Variants in NCOR1 observed in about 807,000 individuals in gnomAD.
NCOR1 encodes nuclear receptor corepressor 1.
A neutral mutation model predicts 288.1 loss-of-function variants in NCOR1; 63 were observed. The observed-to-expected ratio is 0.22, with a 90% confidence interval of 0.18 to 0.27. The LOEUF (loss-of-function observed/expected upper bound fraction) is 0.27. Among genes scored for constraint, NCOR1 ranks in the 10% least tolerant of loss-of-function variants. The pLI, the probability that NCOR1 is intolerant of heterozygous loss-of-function variation, is 1.00. For missense variants in NCOR1, 2,397 were observed against 3,019.2 expected (o/e 0.79, Z 4.83); for synonymous variants, 1,007 against 1,065.9 (o/e 0.94, Z 1.08).
chr17:16,133,231 A>G (rs1393876192), intron 14 of NCOR1, among the ~76,000 whole-genome samples: 1 of 152,170 alleles, frequency 6.6e-6, no homozygotes, highest in Non-Finnish European at 1.5e-5. Context: ...GGACTCCCAA[A>G]GTGTTGAGAT....
chr17:16,095,293 C>T (rs1347320571), intron 21 of NCOR1, among the ~76,000 whole-genome samples: 26 of 146,380 alleles, frequency 1.8e-4, no homozygotes, highest in Admixed American at 4.0e-4. Flanking sequence ...TCTGCCCGGC[C>T]GCCCCGTCTG....
intron 14 of NCOR1, among the ~76,000 whole-genome samples, chr17:16,127,123 C>CTGTATGTATATATACA (rs1484509213): frequency 8.0e-6 from 1 of 125,474 alleles, no homozygotes; most frequent in African/African-American, 3.6e-5. Flanking sequence ...ATGTATATAT[C>CTGTATGTATATATACA]TGTATGTATA....
At position 16,047,113 on chromosome 17, in the gene NCOR1, G is replaced by C. The variant is rs745978673; in HGVS notation, c.6537-20C>G. 1 of 1,603,852 alleles carries C rather than the reference G, an allele frequency of 6.2e-7. No homozygotes were observed. The highest frequency in any genetic ancestry group is 1.1e-5 in the South Asian group (1 of 89,140). ...TCATTCCTGTTAGGGCCAAAGTTAA[G>C]TATATTACAACCACGTACTCCTAAT... On this transcript the variant is annotated intron_variant, in intron 41 of 45. Transcript: ENST00000268712.
intron 19 of NCOR1, 70 bp downstream of exon 19, chr17:16,108,716 C>G (rs1160089209): frequency 7.1e-7 from 1 of 1,401,928 alleles, no homozygotes. Context: ...AACTCCTACA[C>G]AGTCAAATGA....
chr17:16,079,814 T>C (rs1055880944), intron 26 of NCOR1, 150 bp downstream of exon 26: 3 of 584,014 alleles, frequency 5.1e-6, no homozygotes. Flanking sequence ...TTAACGTCTC[T>C]GTGGAGACAG....
At chr17:16,170,368 CAAAA>C (rs1158514720) in intron 4 of NCOR1, among the ~76,000 whole-genome samples, 2 of 151,822 alleles carry the variant, frequency 1.3e-5, no homozygotes. Flanking sequence ...AAAACTGAAA[CAAAA>C]AGACACTGGG....
rs753195715 is a variant in NCOR1 at position 16,071,434 on chromosome 17, G to A, written c.4127C>T (p.Pro1376Leu). Reference sequence around the variant, plus strand: ...CTGGGAAATGGAACCCTCAATTATCGGCCGTGTGCTCTGGACCACTTCTGG... The same window carrying A: ...CTGGGAAATGGAACCCTCAATTATCAGCCGTGTGCTCTGGACCACTTCTGG... ...KTPEVVQSTR[P>L]IIEGSISQGT... The change falls in exon 30 of 46, where the codon CCG becomes CTG. Residue 1376 changes from proline (P) to leucine (L), a missense_variant. By Grantham distance (98) the Pro-to-Leu change is moderately conservative (BLOSUM62 -3). This residue lies in a region of NCOR1 where 1,872 missense variants were observed against 2,187.8 expected (regional missense o/e 0.86). Transcript: ENST00000268712. 2.2e-5 allele frequency: 36 copies of A among 1,612,592 alleles called. No homozygotes were observed. In the Admixed American group the frequency reaches 2.7e-4, roughly 12 times the overall value.
intron 14 of NCOR1, among the ~76,000 whole-genome samples, chr17:16,136,880 C>G: frequency 7.0e-6 from 1 of 142,784 alleles, no homozygotes; most frequent in East Asian, 2.2e-4. Flanking sequence ...TAATATGAAA[C>G]AAAATCAGGT....
rs2076820836 is a variant in NCOR1, at chr17:16,139,103, G to A, written c.1257C>T (p.Asn419=). The A allele has an allele frequency of 6.2e-7, 1 of 1,613,298 alleles. No homozygotes were observed. The highest frequency in any genetic ancestry group is 8.5e-7 in the Non-Finnish European group (1 of 1,179,450). The change falls in exon 12 of 46, where the codon AAC becomes AAT. Residue 419 remains asparagine, a synonymous_variant. Transcript: ENST00000268712. ...DAEQRRVKFI[N]MNGLMEDPMK... is the part of the protein sequence containing the mutation. ...TAGGGTCCTCCATAAGCCCATTCAT[G>A]TTAATGAACTTGACTCGTCTTTGTT...
Position 16,064,156 on chromosome 17 carries a change from A to G in NCOR1, c.5133T>C (p.Ser1711=), listed in dbSNP as rs144990904. 4 of 1,613,946 alleles carry G rather than the reference A, an allele frequency of 2.5e-6. No individual in the cohort carries two copies. In the African/African-American group the frequency reaches 5.3e-5, roughly 22 times the overall value. The change falls in exon 35 of 46, where the codon AGT becomes AGC. Residue 1711 remains serine (S), a synonymous_variant. Transcript: ENST00000268712. ...GHPTHLAAAA[S]AERERERERE... ...GCTCCCGTTCCCGTTCCCTCTCAGC[A>G]CTTGCAGCAGCTGCAAGGTGTGTTG... is the stretch of plus-strand genomic sequence containing the variant.
intron 40 of NCOR1, among the ~76,000 whole-genome samples, chr17:16,049,866 C>T (rs1243752814): frequency 6.6e-6 from 1 of 152,040 alleles, no homozygotes; most frequent in Non-Finnish European, 1.5e-5. Context: ...CCTGAGCTAC[C>T]GCACCTGGCC....
intron 2 of NCOR1, among the ~76,000 whole-genome samples, chr17:16,192,630 T>C (rs1470043211): frequency 2.0e-5 from 3 of 152,134 alleles, no homozygotes; most frequent in Non-Finnish European, 4.4e-5. Context: ...CACTCCAGCC[T>C]GGGTGACAGA....
chr17:16,126,200 C>A lies in NCOR1; in HGVS notation c.1516G>T (p.Ala506Ser). The A allele has an allele frequency of 1.3e-6, 2 of 1,515,058 alleles. No individual in the cohort carries two copies. Among genetic ancestry groups the A allele is most frequent in the Non-Finnish European group, 1.8e-6 (2 of 1,136,786 alleles). 93.9% of individuals were successfully genotyped at this position (1,515,058 alleles called of 1,614,324 possible). Residue 506 changes from alanine to serine, a missense_variant, in exon 15 of 46, where the codon GCT (alanine) becomes TCT (serine). Coordinates refer to ENST00000268712, the MANE Select transcript of NCOR1 (RefSeq NM_006311.4). ...GKRRGRNQQI[A>S]RPSQEEKVEE... Reference sequence around the variant, plus strand: ...ACTTTTTCTTCTTGCGAGGGTCGAGCAATTTGCTGCTAGAATGAACCATCA... The same window carrying A: ...ACTTTTTCTTCTTGCGAGGGTCGAGAAATTTGCTGCTAGAATGAACCATCA...
chr17:16,214,359 G>A (rs2092381881), intron 1 of NCOR1, among the ~76,000 whole-genome samples: 1 of 152,156 alleles, frequency 6.6e-6, no homozygotes, highest in Non-Finnish European at 1.5e-5. Context: ...AATCTTTGTA[G>A]GCATTTTTAA....
intron 4 of NCOR1, among the ~76,000 whole-genome samples, chr17:16,167,276 A>C (rs1285834974): frequency 1.3e-5 from 2 of 152,176 alleles, no homozygotes; most frequent in Non-Finnish European, 2.9e-5. Flanking sequence ...CAGGAATAAG[A>C]TCAAAACAGA....
Position 16,075,615 on chromosome 17 carries a change from G to A in NCOR1, c.3589C>T (p.Pro1197Ser), listed in dbSNP as rs1487860817. 6.2e-7 allele frequency: 1 copy of A among 1,614,084 alleles called. No homozygotes were observed. The highest frequency in any genetic ancestry group is 2.2e-5 in the East Asian group (1 of 44,876). Residue 1197 changes from proline to serine, a missense_variant, in exon 27 of 46, where the codon CCT (proline) becomes TCT (serine). Physicochemically the swap from Pro to Ser is moderately conservative, Grantham distance 74 (BLOSUM62 -1). Transcript: ENST00000268712. Reference protein sequence around the residue: ...ISRMPIEDSSPEKGREEAASK... With the variant: ...ISRMPIEDSSSEKGREEAASK... ...GCAGCTTCCTCTCTGCCTTTCTCAGGACTGCTGTCTTCAATGGGCATTCTC... is the reference window on the plus strand; with the variant it reads ...GCAGCTTCCTCTCTGCCTTTCTCAGAACTGCTGTCTTCAATGGGCATTCTC...
At chr17:16,041,246 C>T (rs1319355559) in intron 42 of NCOR1, 1 of 152,034 alleles carries the variant, frequency 6.6e-6, no homozygotes, top group Non-Finnish European at 1.5e-5. Flanking sequence ...ACCTGGGAAC[C>T]GCCTATAATA....
chr17:16,139,055 C>A lies in NCOR1; in HGVS notation c.1305G>T (p.Gln435His), dbSNP rs1179433357. 5 of 1,606,458 alleles carry A rather than the reference C, an allele frequency of 3.1e-6. No individual in the cohort carries two copies. Among genetic ancestry groups the A allele is most frequent in the Non-Finnish European group, 1.7e-6 (2 of 1,175,680 alleles). ...CATGGTCAGTCCAAACATTCATAAA[C>A]TGCCTATCTTTATACACTTTCATAG... is the stretch of plus-strand genomic sequence containing the variant. ...EDPMKVYKDRQFMNVWTDHEK... is the reference protein window; with the variant it reads ...EDPMKVYKDRHFMNVWTDHEK... Residue 435 changes from glutamine (Q) to histidine (H), a missense_variant, in exon 12 of 46, where the codon CAG (glutamine) becomes CAT (histidine). This residue lies in a region of NCOR1 where 80 missense variants were observed against 100.3 expected (regional missense o/e 0.80). Coordinates refer to ENST00000268712, the MANE Select transcript of NCOR1 (RefSeq NM_006311.4).
intron 11 of NCOR1, among the ~76,000 whole-genome samples, chr17:16,139,395 T>A (rs1324918121): frequency 6.6e-6 from 1 of 152,318 alleles, no homozygotes; most frequent in East Asian, 1.9e-4. Flanking sequence ...AATATCCATA[T>A]CGTTTTTTAA....
Sources: allele counts gnomAD v4.1 joint callset (sites outside exome capture counted in the v4.1 genomes callset), GRCh38; gene constraint gnomAD v4.1.1; regional missense constraint gnomAD v4.1.1; transcripts MANE v1.5; gene names NCBI Gene and HGNC (gene_info 2026-07-23, HGNC 2026-07-21).